ARHGEF10: variants seen among roughly 807,000 people sequenced by gnomAD.
The protein encoded by ARHGEF10 is Rho guanine nucleotide exchange factor (GEF) 10.
ARHGEF10 carries 140 observed loss-of-function variants against 147.4 expected under a neutral mutation model. The observed-to-expected ratio is 0.95, with a 90% CI of 0.83 to 1.09. The LOEUF is 1.09. Ranked by LOEUF, ARHGEF10 falls within the 50% of genes least tolerant of loss-of-function variation. The pLI is 0.00. For synonymous variants in ARHGEF10, 902 were observed against 695.8 expected (o/e 1.30, Z -4.67); for missense variants, 2,222 against 1,752.7 (o/e 1.27, Z -4.78).
intron 15 of ARHGEF10, among the ~76,000 whole-genome samples, chr8:1,902,057 G>C (rs910695070): frequency 1.3e-5 from 2 of 151,844 alleles, no homozygotes; most frequent in African/African-American, 2.4e-5. Flanking sequence ...AGGTATACCT[G>C]TGCCATGGTG....
Position 1,937,822 on chromosome 8 carries a change from T to G in ARHGEF10, c.3222+3880T>G, listed in dbSNP as rs1232929297. Among the ~76,000 whole-genome samples the G allele has an allele frequency of 3.9e-5, 6 of 152,138 alleles. No homozygotes were observed. Among genetic ancestry groups the G allele is most frequent in the Non-Finnish European group, 7.3e-5 (5 of 68,034 alleles). Reference sequence around the variant, plus strand: ...CTGGGAGCTGCATGTGATCTGGGCTTGGGTTGAGCGGGTTGGGAGATGCTA... The same window carrying G: ...CTGGGAGCTGCATGTGATCTGGGCTGGGGTTGAGCGGGTTGGGAGATGCTA... On this transcript the variant is annotated intron_variant, in intron 26 of 28. Transcript: ENST00000349830. The surrounding 1 kb of genome is among the most constrained non-coding windows in gnomAD (Gnocchi z 4.9).
intron 7 of ARHGEF10, among the ~76,000 whole-genome samples, chr8:1,873,399 T>G (rs1309018091): frequency 6.6e-6 from 1 of 151,802 alleles, no homozygotes; most frequent in African/African-American, 2.4e-5. Context: ...GAGGAGAAAG[T>G]CACAGTGTGC....
In ARHGEF10 at chr8:1,931,696, C is replaced by G. The variant is rs145964375; in HGVS notation, c.3080-2104C>G. Reference sequence around the variant, plus strand: ...CTAGCCCCTCACTGTTGCCAGAGCTCTGAGCTTTCAAGGGACTTAAAAATG... The same window carrying G: ...CTAGCCCCTCACTGTTGCCAGAGCTGTGAGCTTTCAAGGGACTTAAAAATG... On this transcript the variant is annotated intron_variant, in intron 25 of 28. Coordinates refer to ENST00000349830, the MANE Select transcript of ARHGEF10 (RefSeq NM_014629.4). 4.1e-3 allele frequency among the ~76,000 whole-genome samples: 627 copies of G among 152,294 alleles called. 5 individuals are homozygous for G. Among genetic ancestry groups the G allele is most frequent in the African/African-American group, 0.015 (604 of 41,568 alleles).
intron 23 of ARHGEF10, 24 bp from the exon 24 acceptor site, chr8:1,928,403 T>C (rs757392295): frequency 6.2e-7 from 1 of 1,601,464 alleles, no homozygotes; most frequent in South Asian, 1.1e-5. Flanking sequence ...CGTTTTCTTC[T>C]TTCCTCCTAA....
intron 2 of ARHGEF10, among the ~76,000 whole-genome samples, chr8:1,855,578 C>T (rs1185858774): frequency 2.0e-5 from 3 of 150,534 alleles, no homozygotes; most frequent in Admixed American, 6.6e-5. Context: ...TTTTAAGAGA[C>T]GGGGTTTCAC....
At chr8:1,873,905 C>T (rs934265957) in intron 7 of ARHGEF10, among the ~76,000 whole-genome samples, 3 of 151,940 alleles carry the variant, frequency 2.0e-5, no homozygotes, top group Admixed American at 6.6e-5. Flanking sequence ...ATATTCCTTT[C>T]GGTCAGTTCA....
intron 10 of ARHGEF10, among the ~76,000 whole-genome samples, chr8:1,884,012 G>A (rs1053026867): frequency 4.6e-5 from 7 of 152,178 alleles, no homozygotes; most frequent in African/African-American, 1.7e-4. Flanking sequence ...TGAGAAGCCC[G>A]GAGTCAGCCC....
chr8:1,916,596 G>T (rs1811777940), intron 18 of ARHGEF10, among the ~76,000 whole-genome samples: 1 of 152,164 alleles, frequency 6.6e-6, no homozygotes, highest in Non-Finnish European at 1.5e-5. Flanking sequence ...GCCGTAACGT[G>T]TCCAGAACCA....
At chr8:1,883,500 C>G (rs1195120566) in intron 10 of ARHGEF10, among the ~76,000 whole-genome samples, 2 of 152,138 alleles carry the variant, frequency 1.3e-5, no homozygotes, top group Non-Finnish European at 2.9e-5. Context: ...TTGGAAGGGA[C>G]TTTGCAGTCA....
chr8:1,893,469 T>C lies in ARHGEF10; in HGVS notation c.1183-100T>C, dbSNP rs1809713974. On this transcript the variant is annotated intron_variant, in intron 11 of 28. Coordinates refer to ENST00000349830, the MANE Select transcript of ARHGEF10 (RefSeq NM_014629.4). ...ACCCTTGTGCACTGTTTTCTAAAAA[T>C]AGAAAAGTTACTTATCAGCAAGCCT... The C allele has an allele frequency of 6.1e-6, 5 of 816,736 alleles. No individual in the cohort carries two copies. In the South Asian group the frequency reaches 7.0e-5, roughly 11 times the overall value. 50.6% of individuals were successfully genotyped at this position (816,736 alleles called of 1,614,324 possible).
intron 1 of ARHGEF10, among the ~76,000 whole-genome samples, chr8:1,837,672 AG>A (rs1471170273): frequency 1.3e-5 from 2 of 152,300 alleles, no homozygotes; most frequent in African/African-American, 4.8e-5. Flanking sequence ...TAGGGCGGGA[AG>A]GGGGAAGAGT....
chr8:1,899,677 A>G (rs1017662245), intron 15 of ARHGEF10, among the ~76,000 whole-genome samples: 2 of 152,342 alleles, frequency 1.3e-5, no homozygotes, highest in East Asian at 1.9e-4. Flanking sequence ...GTTTGCCTGT[A>G]TTACAGCATT....
chr8:1,849,449 G>A (rs1563172258), intron 2 of ARHGEF10, among the ~76,000 whole-genome samples: 1 of 151,004 alleles, frequency 6.6e-6, no homozygotes, highest in African/African-American at 2.4e-5. Flanking sequence ...GAGGGCGTGG[G>A]GCGGCCACAT....
chr8:1,873,310 G>A (rs1563209275), intron 7 of ARHGEF10, among the ~76,000 whole-genome samples: 1 of 152,254 alleles, frequency 6.6e-6, no homozygotes, highest in Non-Finnish European at 1.5e-5. Context: ...CCACAGCACG[G>A]CAGCAGAAAA....
intron 18 of ARHGEF10, among the ~76,000 whole-genome samples, chr8:1,918,747 A>G (rs1811955395): frequency 6.6e-6 from 1 of 152,194 alleles, no homozygotes; most frequent in African/African-American, 2.4e-5. Flanking sequence ...CCTCCCAATG[A>G]ACTGAAATCT....
Position 1,903,355 on chromosome 8 carries a change from A to C in ARHGEF10, c.1725A>C (p.Thr575=). Residue 575 remains threonine (T), a synonymous_variant, in exon 16 of 29, where the codon ACA becomes ACC. Transcript: ENST00000349830. ...PLQMALTELE[T]LAEKLNERKR... is the part of the protein sequence containing the mutation. ...AGATGGCCCTGACAGAGCTCGAAAC[A>C]CTAGCAGAGAAGTTAAATGAAAGAA... 2 of 1,614,206 alleles carry C rather than the reference A, an allele frequency of 1.2e-6. No homozygotes were observed.
intron 27 of ARHGEF10, among the ~76,000 whole-genome samples, chr8:1,947,047 G>T (rs74707125): frequency 0.076 from 11,635 of 152,338 alleles, 525 homozygotes; most frequent in East Asian, 0.14. Flanking sequence ...TCAGAAAGCA[G>T]ACGCTCTGCT....
upstream of ARHGEF10, among the ~76,000 whole-genome samples, chr8:1,823,530 G>C (rs1217370111): frequency 6.6e-6 from 1 of 152,122 alleles, no homozygotes; most frequent in Non-Finnish European, 1.5e-5. Context: ...CGGTGCTCTG[G>C]GAGAGGGTTA....
chr8:1,892,436 A>G (rs957164828), intron 11 of ARHGEF10, among the ~76,000 whole-genome samples: 1 of 152,034 alleles, frequency 6.6e-6, no homozygotes, highest in African/African-American at 2.4e-5. Context: ...TTGCGAATAG[A>G]ATAATCCTTT....
Sources: gnomAD v4.1 joint callset for allele counts (sites outside exome capture counted in the v4.1 genomes callset) on GRCh38, gnomAD v4.1.1 for gene constraint, Gnocchi (gnomAD v3.1) non-coding constraint, MANE v1.5 for transcripts, NCBI Gene and HGNC (gene_info 2026-07-23, HGNC 2026-07-21) for gene names.